The following PIP5K1B variants were observed in gnomAD, a reference collection of about 807,000 sequenced individuals.
The protein encoded by PIP5K1B is phosphatidylinositol-4-phosphate 5-kinase type 1 beta, also known as phosphatidylinositol 4-phosphate 5-kinase type-1 beta.
A neutral mutation model predicts 67.0 loss-of-function variants in PIP5K1B; 42 were observed. That is an observed-to-expected ratio of 0.63 (90% CI 0.49 to 0.81). The LOEUF is 0.81. Among genes scored for constraint, PIP5K1B ranks in the 30% least tolerant of loss-of-function variants. The pLI, the probability that PIP5K1B is intolerant of heterozygous loss-of-function variation, is 0.00. For synonymous variants in PIP5K1B, 214 were observed against 231.4 expected (o/e 0.92, Z 0.68); for missense variants, 459 against 646.3 (o/e 0.71, Z 3.14).
intron 4 of PIP5K1B, among the ~76,000 whole-genome samples, chr9:68,857,029 A>G (rs1345046576): frequency 6.6e-6 from 1 of 152,222 alleles, no homozygotes; most frequent in Non-Finnish European, 1.5e-5. Context: ...AGAAGATGTG[A>G]TGAGAGAAGC....
intron 2 of PIP5K1B, among the ~76,000 whole-genome samples, chr9:68,757,035 A>C (rs1041592746): frequency 1.4e-4 from 22 of 152,210 alleles, no homozygotes; most frequent in African/African-American, 5.1e-4. Flanking sequence ...AGAAATACTT[A>C]ATCTGCATTT....
chr9:68,836,145 C>G (rs1345428521), intron 4 of PIP5K1B, among the ~76,000 whole-genome samples: 1 of 152,128 alleles, frequency 6.6e-6, no homozygotes, highest in Non-Finnish European at 1.5e-5. Context: ...AAAACCCGTT[C>G]ATGGGTTTTA....
chr9:68,828,410 A>G (rs2132096564), intron 4 of PIP5K1B, among the ~76,000 whole-genome samples: 1 of 152,324 alleles, frequency 6.6e-6, no homozygotes, highest in South Asian at 2.1e-4. Flanking sequence ...CTCCATTGGG[A>G]AACTGACCAG....
intron 2 of PIP5K1B, among the ~76,000 whole-genome samples, chr9:68,762,781 A>T (rs1358934880): frequency 6.6e-6 from 1 of 152,126 alleles, no homozygotes; most frequent in African/African-American, 2.4e-5. Flanking sequence ...TCAGCCACTT[A>T]GTCACTTAGA....
At chr9:68,859,998 GAGTT>G (rs1185155242) in intron 4 of PIP5K1B, among the ~76,000 whole-genome samples, 1 of 152,020 alleles carries the variant, frequency 6.6e-6, no homozygotes, top group Non-Finnish European at 1.5e-5. Flanking sequence ...TGGCTCTGTT[GAGTT>G]AGTTAATTGA....
At chr9:68,902,966 T>C (rs1448111379) in intron 8 of PIP5K1B, among the ~76,000 whole-genome samples, 1 of 152,218 alleles carries the variant, frequency 6.6e-6, no homozygotes, top group Admixed American at 6.5e-5. Context: ...GTGATATGCC[T>C]GTGAGACTAT....
chr9:68,773,041 C>T (rs79509203), intron 2 of PIP5K1B, among the ~76,000 whole-genome samples: 3,903 of 152,236 alleles, frequency 0.026, 73 homozygotes, highest in East Asian at 0.058. Flanking sequence ...AGTCCCACTG[C>T]TGGAAGTATG....
chr9:68,872,091 T>C (rs960286015), intron 5 of PIP5K1B, among the ~76,000 whole-genome samples: 47 of 152,252 alleles, frequency 3.1e-4, no homozygotes, highest in African/African-American at 9.9e-4. Context: ...GAGGCAAACG[T>C]TGATTGCGGT....
intron 4 of PIP5K1B, among the ~76,000 whole-genome samples, chr9:68,848,832 T>TA (rs951313834): frequency 1.3e-5 from 2 of 152,090 alleles, no homozygotes; most frequent in East Asian, 3.9e-4. Flanking sequence ...TGTATAACCA[T>TA]AAAAAAATGA....
At chr9:68,989,195 A>C (rs1322393048) in intron 14 of PIP5K1B, among the ~76,000 whole-genome samples, 1 of 151,392 alleles carries the variant, frequency 6.6e-6, no homozygotes, top group African/African-American at 2.4e-5. Context: ...ACATATCTTC[A>C]ATTAATAGGT....
chr9:68,885,618 G>A (rs1039426661), intron 6 of PIP5K1B, among the ~76,000 whole-genome samples: 13 of 151,860 alleles, frequency 8.6e-5, no homozygotes, highest in Non-Finnish European at 1.9e-4. Context: ...TCACTTCTAA[G>A]TGGGAGCTAA....
intron 7 of PIP5K1B, among the ~76,000 whole-genome samples, chr9:68,893,976 G>A (rs988707461): frequency 1.1e-4 from 16 of 152,140 alleles, no homozygotes; most frequent in African/African-American, 3.9e-4. Flanking sequence ...TTTTGCAGGA[G>A]CTATTAAAAT....
intron 6 of PIP5K1B, among the ~76,000 whole-genome samples, chr9:68,887,645 G>A (rs536541243): frequency 7.2e-5 from 11 of 152,338 alleles, no homozygotes; most frequent in Admixed American, 1.3e-4. Flanking sequence ...CCTGGTGAAT[G>A]TACTAGAGGG....
chr9:68,947,083 T>A (rs1827838335), intron 14 of PIP5K1B, among the ~76,000 whole-genome samples: 1 of 152,242 alleles, frequency 6.6e-6, no homozygotes, highest in Non-Finnish European at 1.5e-5. Context: ...GTAAAGGGCA[T>A]GATGTTTTTG....
At chr9:68,772,666 C>T (rs1830723473) in intron 2 of PIP5K1B, among the ~76,000 whole-genome samples, 1 of 152,168 alleles carries the variant, frequency 6.6e-6, no homozygotes, top group African/African-American at 2.4e-5. Context: ...CCCAATTATT[C>T]TACTCAGAAA....
At chr9:68,918,786 G>A (rs1345967161) in intron 9 of PIP5K1B, among the ~76,000 whole-genome samples, 1 of 152,100 alleles carries the variant, frequency 6.6e-6, no homozygotes, top group Admixed American at 6.5e-5. Context: ...GTTCTTTCTT[G>A]CAAATCGATC....
At chr9:68,879,612 G>A (rs1252203021) in intron 6 of PIP5K1B, among the ~76,000 whole-genome samples, 2 of 151,982 alleles carry the variant, frequency 1.3e-5, no homozygotes, top group African/African-American at 4.8e-5. Context: ...ATTTGAATTA[G>A]AGAGGAGGAA....
At chr9:68,962,784 CAG>C (rs1394675555) in intron 14 of PIP5K1B, among the ~76,000 whole-genome samples, 1 of 152,164 alleles carries the variant, frequency 6.6e-6, no homozygotes, top group Non-Finnish European at 1.5e-5. Context: ...AAAGGTTTAT[CAG>C]GTAAATAAGA....
intron 4 of PIP5K1B, among the ~76,000 whole-genome samples, chr9:68,830,540 G>A (rs1834256287): frequency 6.6e-6 from 1 of 152,194 alleles, no homozygotes; most frequent in African/African-American, 2.4e-5. Flanking sequence ...AAGTTACCCA[G>A]GTTTGTTGTA....
Sources: allele counts gnomAD v4.1 joint callset (sites outside exome capture counted in the v4.1 genomes callset), GRCh38; gene constraint gnomAD v4.1.1; transcripts MANE v1.5; gene names NCBI Gene and HGNC (gene_info 2026-07-23, HGNC 2026-07-21).